STXBP5L: variants seen among roughly 807,000 people sequenced by gnomAD.
STXBP5L encodes the protein syntaxin binding protein 5L, also known as syntaxin-binding protein 5-like.
A neutral mutation model predicts 144.5 loss-of-function variants in STXBP5L; 65 were observed. That is an observed-to-expected ratio of 0.45 (90% confidence interval 0.37 to 0.55). STXBP5L has a LOEUF of 0.55. Among genes scored for constraint, STXBP5L ranks in the 20% least tolerant of loss-of-function variants. The probability of loss-of-function intolerance (pLI) is 0.00; values close to 1 mark genes in which losing one functional copy is unlikely to be tolerated. For synonymous variants in STXBP5L, 505 were observed against 469.6 expected, an observed-to-expected ratio of 1.08 and a Z score of -0.97; for missense variants, 1,298 against 1,405.5, an observed-to-expected ratio of 0.92 and a Z score of 1.22.
At chr3:121,368,331 T>C (rs2108654210) in intron 20 of STXBP5L, among the ~76,000 whole-genome samples, 1 of 152,260 alleles carries the variant, frequency 6.6e-6, no homozygotes, top group South Asian at 2.1e-4. Flanking sequence ...GGTTTCTTTT[T>C]AGGTTTTCTA....
intron 3 of STXBP5L, among the ~76,000 whole-genome samples, chr3:120,984,039 T>A (rs1304274404): frequency 6.6e-6 from 1 of 152,146 alleles, no homozygotes; most frequent in African/African-American, 2.4e-5. Flanking sequence ...AGCATCCTGC[T>A]CTTTGTTCCT....
At chr3:121,052,948 AATAAC>A (rs1304593955) in intron 5 of STXBP5L, among the ~76,000 whole-genome samples, 1 of 152,220 alleles carries the variant, frequency 6.6e-6, no homozygotes, top group East Asian at 1.9e-4. Flanking sequence ...CTTATACACA[AATAAC>A]AGACAAACAG....
At chr3:121,330,437 G>A (rs148710445) in intron 20 of STXBP5L, among the ~76,000 whole-genome samples, 448 of 152,292 alleles carry the variant, frequency 2.9e-3, no homozygotes, top group Non-Finnish European at 4.7e-3. Flanking sequence ...CTAGAGTGCA[G>A]ACTTAACCTG....
intron 5 of STXBP5L, among the ~76,000 whole-genome samples, chr3:121,092,774 G>C (rs2042883795): frequency 1.3e-5 from 2 of 152,160 alleles, no homozygotes; most frequent in African/African-American, 4.8e-5. Flanking sequence ...TCCTTCTCCT[G>C]TCTAATTGCC....
In STXBP5L at chr3:121,030,811, C is replaced by T. The variant is rs1946314413; in HGVS notation, c.288-10889C>T. Among the ~76,000 whole-genome samples the T allele has an allele frequency of 2.0e-5, 3 of 152,102 alleles. No individual in the cohort carries two copies. The South Asian group carries it at 6.2e-4, about 32-fold the overall frequency. On this transcript the variant is annotated intron_variant, in intron 3 of 26. Coordinates refer to ENST00000471454, the MANE Select transcript of STXBP5L (RefSeq NM_001308330.2). ...TTGATGCATGATAAAGCTTGAGAAT[C>T]AATATTTTAGGAAAATTCAATGGCT...
chr3:120,967,136 G>A (rs961136576), intron 3 of STXBP5L, among the ~76,000 whole-genome samples: 1 of 152,148 alleles, frequency 6.6e-6, no homozygotes, highest in Admixed American at 6.5e-5. Flanking sequence ...TTGTCTGCCG[G>A]TTTTTAAGAC....
At chr3:121,107,635 T>C (rs1399588782) in intron 5 of STXBP5L, among the ~76,000 whole-genome samples, 5 of 152,170 alleles carry the variant, frequency 3.3e-5, no homozygotes, top group African/African-American at 1.2e-4. Flanking sequence ...TAGCTTGAAG[T>C]TGGGTATCAT....
chr3:121,293,522 G>A (rs1393590280), intron 19 of STXBP5L, among the ~76,000 whole-genome samples: 5 of 152,136 alleles, frequency 3.3e-5, no homozygotes, highest in African/African-American at 1.2e-4. Context: ...CTAACGCAAA[G>A]AAGAGCAGGG....
intron 3 of STXBP5L, among the ~76,000 whole-genome samples, chr3:120,993,144 ATTAT>A (rs138519638): frequency 0.02 from 3,001 of 151,036 alleles, 97 homozygotes; most frequent in African/African-American, 0.069. Context: ...TTTTAATGGG[ATTAT>A]TTATTTGTTT....
chr3:121,183,477 AGTAGCACT>A (rs2047239483), intron 9 of STXBP5L, among the ~76,000 whole-genome samples: 1 of 152,182 alleles, frequency 6.6e-6, no homozygotes, highest in Non-Finnish European at 1.5e-5. Flanking sequence ...TACACAAATC[AGTAGCACT>A]GATATACACC....
intron 19 of STXBP5L, among the ~76,000 whole-genome samples, chr3:121,316,210 A>C (rs1337407244): frequency 1.3e-5 from 2 of 152,176 alleles, no homozygotes; most frequent in Non-Finnish European, 2.9e-5. Context: ...TAGGGTTTTG[A>C]CACGTTGTAA....
chr3:121,173,763 A>T (rs949107941), intron 9 of STXBP5L, among the ~76,000 whole-genome samples: 2 of 152,138 alleles, frequency 1.3e-5, no homozygotes, highest in African/African-American at 4.8e-5. Flanking sequence ...TACAAGATGA[A>T]TCGTGTCTGA....
chr3:120,961,806 G>T (rs1429779045), intron 3 of STXBP5L, among the ~76,000 whole-genome samples: 1 of 152,156 alleles, frequency 6.6e-6, no homozygotes, highest in East Asian at 1.9e-4. Flanking sequence ...GGATGGCTGG[G>T]TCAAAAGGTA....
At chr3:121,130,451 C>T (rs537323099) in intron 7 of STXBP5L, among the ~76,000 whole-genome samples, 32 of 152,114 alleles carry the variant, frequency 2.1e-4, no homozygotes, top group Admixed American at 1.2e-3. Context: ...AGATGTACAC[C>T]GAGCCCAGAA....
chr3:121,087,219 G>A (rs187516407), intron 5 of STXBP5L, among the ~76,000 whole-genome samples: 53 of 152,116 alleles, frequency 3.5e-4, no homozygotes, highest in Admixed American at 2.6e-3. Flanking sequence ...TGATTTTCTT[G>A]CATTCTATAT....
Position 121,413,071 on chromosome 3 carries a change from A to G in STXBP5L, c.2949-87A>G, listed in dbSNP as rs542195510. On this transcript the variant is annotated intron_variant, in intron 23 of 26. Coordinates refer to ENST00000471454, the MANE Select transcript of STXBP5L (RefSeq NM_001308330.2). Reference sequence around the variant, plus strand: ...AAAAATAAAAAGAAACAACCATAAAATAATAGAATAAAAATTACTGTTTTT... The same window carrying G: ...AAAAATAAAAAGAAACAACCATAAAGTAATAGAATAAAAATTACTGTTTTT... The G allele has an allele frequency of 2.1e-5, 22 of 1,058,512 alleles. No homozygotes were observed. In the East Asian group the frequency reaches 6.5e-4, roughly 31 times the overall value. The allele number at this position is 1,058,512 out of a possible 1,614,324, so 65.6% of individuals were successfully genotyped here.
At chr3:121,405,165 C>G (rs531427646) in intron 22 of STXBP5L, among the ~76,000 whole-genome samples, 1 of 152,112 alleles carries the variant, frequency 6.6e-6, no homozygotes, top group African/African-American at 2.4e-5. Context: ...TAAAGGCTCC[C>G]TCTTCAAATA....
At chr3:121,367,747 T>C (rs1037222090) in intron 20 of STXBP5L, among the ~76,000 whole-genome samples, 1 of 150,834 alleles carries the variant, frequency 6.6e-6, no homozygotes, top group African/African-American at 2.4e-5. Flanking sequence ...TAGCTGGGAC[T>C]GTAGGCATTT....
At chr3:121,353,618 CT>C (rs2045389414) in intron 20 of STXBP5L, among the ~76,000 whole-genome samples, 3 of 152,034 alleles carry the variant, frequency 2.0e-5, no homozygotes, top group Admixed American at 1.3e-4. Context: ...TTTTGTTGAT[CT>C]TTTCAAAAAA....
Sources: allele counts gnomAD v4.1 joint callset (sites outside exome capture counted in the v4.1 genomes callset), GRCh38; gene constraint gnomAD v4.1.1; transcripts MANE v1.5; gene names NCBI Gene and HGNC (gene_info 2026-07-23, HGNC 2026-07-21).